Variants in GRM7 observed in about 807,000 individuals in gnomAD.
GRM7 encodes glutamate metabotropic receptor 7, also known as metabotropic glutamate receptor 7.
In GRM7, 35 loss-of-function variants were observed where a neutral mutation model predicts 84.5. The observed-to-expected ratio is 0.41, with a 90% CI of 0.32 to 0.55. The LOEUF (loss-of-function observed/expected upper bound fraction) is 0.55. GRM7 is among the 20% of genes least tolerant of loss of function. The pLI is 0.19. For missense variants in GRM7, 1,003 were observed against 1,194.6 expected, an observed-to-expected ratio of 0.84 and a Z score of 2.36; for synonymous variants, 487 against 455.1, an observed-to-expected ratio of 1.07 and a Z score of -0.89.
chr3:7,458,938 T>A (rs577494427), intron 6 of GRM7, among the ~76,000 whole-genome samples: 1 of 152,360 alleles, frequency 6.6e-6, no homozygotes, highest in African/African-American at 2.4e-5. Context: ...TATTTCTTCT[T>A]CTTATATGCT....
intron 7 of GRM7, among the ~76,000 whole-genome samples, chr3:7,493,726 A>G (rs1384937736): frequency 6.6e-6 from 1 of 151,966 alleles, no homozygotes; most frequent in Non-Finnish European, 1.5e-5. Flanking sequence ...ATGTATTTAT[A>G]GTTTTCTCTG....
At chr3:7,065,572 A>G (rs991442320) in intron 1 of GRM7, among the ~76,000 whole-genome samples, 2 of 151,956 alleles carry the variant, frequency 1.3e-5, no homozygotes, top group African/African-American at 2.4e-5. Flanking sequence ...TACAAGTACC[A>G]CACTGTTTTG....
At chr3:7,436,040 T>C (rs1697044353) in intron 5 of GRM7, among the ~76,000 whole-genome samples, 1 of 151,700 alleles carries the variant, frequency 6.6e-6, no homozygotes, top group African/African-American at 2.4e-5. Flanking sequence ...AGAGACGAAG[T>C]TTCACCATGT....
At chr3:6,981,784 A>C (rs1694215462) in intron 1 of GRM7, among the ~76,000 whole-genome samples, 1 of 151,932 alleles carries the variant, frequency 6.6e-6, no homozygotes, top group Non-Finnish European at 1.5e-5. Flanking sequence ...TTATTAGAAC[A>C]TCAAAAAAAC....
chr3:7,527,626 A>C (rs1007500555), intron 7 of GRM7, among the ~76,000 whole-genome samples: 1 of 151,876 alleles, frequency 6.6e-6, no homozygotes. Flanking sequence ...GAATACTTCT[A>C]TCTATCTGTT....
At chr3:7,014,264 G>A (rs536876572) in intron 1 of GRM7, among the ~76,000 whole-genome samples, 1 of 152,278 alleles carries the variant, frequency 6.6e-6, no homozygotes, top group Non-Finnish European at 1.5e-5. Context: ...GAGCCAGGGA[G>A]GGAGTAGGCA....
intron 1 of GRM7, among the ~76,000 whole-genome samples, chr3:6,872,675 T>C (rs567014547): frequency 6.6e-6 from 1 of 152,152 alleles, no homozygotes; most frequent in South Asian, 2.1e-4. Context: ...CATATGTTCT[T>C]GTTGTTCAAC....
Position 7,063,770 on chromosome 3 carries a change from A to G in GRM7, c.520-82682A>G, listed in dbSNP as rs147775841. ...CCAATGGAGTGTTGTATTACTTGCAAAGTAACACAAGAAAAAATATTAACT... is the reference window on the plus strand; with the variant it reads ...CCAATGGAGTGTTGTATTACTTGCAGAGTAACACAAGAAAAAATATTAACT... On this transcript the variant is annotated intron_variant, in intron 1 of 9. Coordinates refer to ENST00000357716, the MANE Select transcript of GRM7 (RefSeq NM_000844.4). Among the ~76,000 whole-genome samples, 1,272 of 151,850 alleles carry G rather than the reference A, an allele frequency of 8.4e-3. 8 individuals carry two copies. The highest frequency in any genetic ancestry group is 0.013 in the Non-Finnish European group (867 of 67,812).
At chr3:7,674,872 C>T (rs903856001) in intron 8 of GRM7, among the ~76,000 whole-genome samples, 4 of 152,116 alleles carry the variant, frequency 2.6e-5, no homozygotes, top group Non-Finnish European at 4.4e-5. Flanking sequence ...AGTACCAAAA[C>T]TAAAAAATAG....
chr3:7,295,828 G>C (rs6768211), intron 2 of GRM7, among the ~76,000 whole-genome samples: 1 of 108,094 alleles, frequency 9.3e-6, no homozygotes, highest in African/African-American at 3.7e-5. Context: ...GCTTTTTTTT[G>C]GGGGGGGGAT....
At chr3:7,207,955 G>A (rs1212510279) in intron 2 of GRM7, among the ~76,000 whole-genome samples, 1 of 152,130 alleles carries the variant, frequency 6.6e-6, no homozygotes, top group Non-Finnish European at 1.5e-5. Context: ...AATGTCGGAG[G>A]CACAAAGGAG....
intron 2 of GRM7, among the ~76,000 whole-genome samples, chr3:7,294,157 C>A (rs1699733980): frequency 6.6e-6 from 1 of 152,210 alleles, no homozygotes; most frequent in Non-Finnish European, 1.5e-5. Context: ...CACATCCGTT[C>A]CCCTAGTGTA....
chr3:7,733,451 C>T (rs1386744371), intron 9 of GRM7, among the ~76,000 whole-genome samples: 2 of 152,218 alleles, frequency 1.3e-5, no homozygotes. Flanking sequence ...ACCCCATTCC[C>T]CCAGTGCATG....
At chr3:6,967,784 A>G (rs17046486) in intron 1 of GRM7, among the ~76,000 whole-genome samples, 10,175 of 152,214 alleles carry the variant, frequency 0.067, 660 homozygotes, top group African/African-American at 0.17. Context: ...CTAGGCAGAC[A>G]TGAGCTGGAA....
intron 1 of GRM7, among the ~76,000 whole-genome samples, chr3:6,894,392 C>G (rs909367400): frequency 2.6e-5 from 4 of 152,098 alleles, no homozygotes; most frequent in East Asian, 3.9e-4. Flanking sequence ...AATCCCACTT[C>G]TAGCTAATGA....
At chr3:7,130,602 C>T (rs114959028) in intron 1 of GRM7, among the ~76,000 whole-genome samples, 142 of 150,172 alleles carry the variant, frequency 9.5e-4, no homozygotes, top group Non-Finnish European at 1.5e-3. Flanking sequence ...GGATTAGTAG[C>T]TCTATCTCAA....
At chr3:7,471,673 G>C (rs958168450) in intron 7 of GRM7, among the ~76,000 whole-genome samples, 1 of 152,030 alleles carries the variant, frequency 6.6e-6, no homozygotes, top group Non-Finnish European at 1.5e-5. Context: ...TCTCTACTTT[G>C]AGGTAGGTAA....
At chr3:6,909,595 C>T (rs1696697384) in intron 1 of GRM7, among the ~76,000 whole-genome samples, 1 of 152,076 alleles carries the variant, frequency 6.6e-6, no homozygotes, top group South Asian at 2.1e-4. Context: ...CAGAAATTAA[C>T]TAAAAGTACT....
At chr3:7,139,636 C>T (rs1460009770) in intron 1 of GRM7, among the ~76,000 whole-genome samples, 1 of 151,838 alleles carries the variant, frequency 6.6e-6, no homozygotes, top group Non-Finnish European at 1.5e-5. Context: ...CTTCTCCAAA[C>T]AGGATTCTAG....
Sources: gnomAD v4.1 joint callset for allele counts (sites outside exome capture counted in the v4.1 genomes callset) on GRCh38, gnomAD v4.1.1 for gene constraint, MANE v1.5 for transcripts, NCBI Gene and HGNC (gene_info 2026-07-23, HGNC 2026-07-21) for gene names.